Variants in LAMA2 observed in about 807,000 individuals in gnomAD.
LAMA2 encodes laminin subunit alpha-2.
A neutral mutation model predicts 364.8 loss-of-function variants in LAMA2; 269 were observed. That is an observed-to-expected ratio of 0.74 (90% CI 0.67 to 0.82). The LOEUF is 0.82. Ranked by LOEUF, LAMA2 falls within the 40% of genes least tolerant of loss-of-function variation. The pLI, the probability that LAMA2 is intolerant of heterozygous loss-of-function variation, is 0.00. For synonymous variants in LAMA2, 1,379 were observed against 1,370.6 expected, an observed-to-expected ratio of 1.01 and a Z score of -0.14; for missense variants, 3,807 against 3,873.2, an observed-to-expected ratio of 0.98 and a Z score of 0.45.
chr6:128,985,714 C>T (rs1234493636), intron 1 of LAMA2, among the ~76,000 whole-genome samples: 1 of 152,030 alleles, frequency 6.6e-6, no homozygotes, highest in Non-Finnish European at 1.5e-5. Context: ...CAACTGTTCT[C>T]CTTTCCCACT....
chr6:129,315,398 C>T (rs1774515672), intron 24 of LAMA2, 78 bp from the exon 25 acceptor site: 1 of 1,230,076 alleles, frequency 8.1e-7, no homozygotes, highest in African/African-American at 1.5e-5. Context: ...TGCAGATAGA[C>T]ATGCAGTTCG....
chr6:129,380,079 A>G (rs1463817070), intron 34 of LAMA2, among the ~76,000 whole-genome samples: 1 of 152,214 alleles, frequency 6.6e-6, no homozygotes, highest in Non-Finnish European at 1.5e-5. Flanking sequence ...TAACAAAGTC[A>G]CTACCCATTA....
intron 9 of LAMA2, among the ~76,000 whole-genome samples, chr6:129,167,703 T>C (rs569451769): frequency 2.8e-4 from 43 of 152,164 alleles, no homozygotes; most frequent in Non-Finnish European, 5.0e-4. Flanking sequence ...GGTCAAAGGG[T>C]ATTTCCAGTT....
chr6:129,199,462 C>T (rs1782044949), intron 12 of LAMA2, among the ~76,000 whole-genome samples: 1 of 151,958 alleles, frequency 6.6e-6, no homozygotes, highest in African/African-American at 2.4e-5. Flanking sequence ...ATAACGACTC[C>T]CACTTAACAT....
chr6:129,474,498 C>A (rs750918715), intron 52 of LAMA2, among the ~76,000 whole-genome samples: 2 of 152,044 alleles, frequency 1.3e-5, no homozygotes, highest in Non-Finnish European at 2.9e-5. Context: ...ACAGTTATTA[C>A]CTAGAAATTC....
chr6:129,153,230 A>G (rs1285390121), intron 7 of LAMA2, among the ~76,000 whole-genome samples: 3 of 152,220 alleles, frequency 2.0e-5, no homozygotes, highest in Admixed American at 1.3e-4. Context: ...ACTTCTTTAT[A>G]AGACATTACG....
intron 4 of LAMA2, among the ~76,000 whole-genome samples, chr6:129,108,792 A>G (rs1421254847): frequency 6.6e-6 from 1 of 152,090 alleles, no homozygotes; most frequent in Non-Finnish European, 1.5e-5. Context: ...TTCCTAAGAC[A>G]TGTTATTCCT....
chr6:129,143,838 A>G (rs1316422446), intron 4 of LAMA2, 63 bp from the exon 5 acceptor site: 3 of 1,241,552 alleles, frequency 2.4e-6, no homozygotes, highest in Non-Finnish European at 3.5e-6. Context: ...CAAGAAAAAG[A>G]AACAAAATCA....
At chr6:129,194,630 A>T (rs1285134070) in intron 12 of LAMA2, among the ~76,000 whole-genome samples, 4 of 152,186 alleles carry the variant, frequency 2.6e-5, no homozygotes, top group African/African-American at 7.2e-5. Flanking sequence ...TAACATTAAC[A>T]GGGTGTGCAA....
At chr6:129,241,870 TAAGA>T (rs1432168191) in intron 12 of LAMA2, among the ~76,000 whole-genome samples, 3 of 152,264 alleles carry the variant, frequency 2.0e-5, no homozygotes, top group Non-Finnish European at 4.4e-5. Flanking sequence ...TCTACTGCTG[TAAGA>T]AAGAATCACC....
intron 9 of LAMA2, among the ~76,000 whole-genome samples, chr6:129,174,523 G>T (rs997880384): frequency 2.6e-5 from 4 of 151,394 alleles, no homozygotes; most frequent in Non-Finnish European, 5.9e-5. Flanking sequence ...GTGTTTTGTG[G>T]ATGTATGCGT....
At chr6:128,906,544 C>A (rs1456352607) in intron 1 of LAMA2, among the ~76,000 whole-genome samples, 3 of 146,736 alleles carry the variant, frequency 2.0e-5, no homozygotes, top group Non-Finnish European at 4.5e-5. Flanking sequence ...AGCCCTTTGT[C>A]AGATGAGTAG....
chr6:129,373,191 T>A (rs763369253), intron 34 of LAMA2, among the ~76,000 whole-genome samples: 3 of 152,194 alleles, frequency 2.0e-5, no homozygotes, highest in African/African-American at 4.8e-5. Flanking sequence ...TGGTGTTGTA[T>A]CTAAAGACTC....
In LAMA2 at chr6:129,047,850, T is replaced by A. The variant is rs185910196; in HGVS notation, c.113-2068T>A. Among the ~76,000 whole-genome samples, 20 of 152,350 alleles carry A rather than the reference T, an allele frequency of 1.3e-4. No homozygotes were observed. In the East Asian group the frequency reaches 3.9e-3, roughly 29 times the overall value. On this transcript the variant is annotated intron_variant, in intron 1 of 64. Coordinates refer to ENST00000421865, the MANE Select transcript of LAMA2 (RefSeq NM_000426.4). ...TTTACTTTCTTTTTTAATTTTTTGT[T>A]TCTTTCAATGCAATTCTAAGGCCAA...
chr6:129,299,156 C>T (rs1282458461), intron 21 of LAMA2, among the ~76,000 whole-genome samples: 1 of 151,584 alleles, frequency 6.6e-6, no homozygotes, highest in South Asian at 2.1e-4. Flanking sequence ...AAAAAAAAAG[C>T]ACAAAACAGG....
At position 129,192,752 on chromosome 6, in the gene LAMA2, T is replaced by G. The variant is rs765515681; in HGVS notation, c.1681T>G (p.Leu561Val). ...RIRVAPQQDD[L>V]DSPQQISISN... ...TCGAGTGGCTCCCCAGCAGGACGACTTGGACTCACCTCAGCAGATCAGCAT... is the reference window on the plus strand; with the variant it reads ...TCGAGTGGCTCCCCAGCAGGACGACGTGGACTCACCTCAGCAGATCAGCAT... Residue 561 changes from leucine (L) to valine (V), a missense_variant, in exon 12 of 65, where the codon TTG (leucine) becomes GTG (valine). Leu to Val is a conservative substitution (Grantham distance 32). Coordinates refer to ENST00000421865, the MANE Select transcript of LAMA2 (RefSeq NM_000426.4). The G allele has an allele frequency of 2.2e-5, 35 of 1,614,070 alleles. No homozygotes were observed. The highest frequency in any genetic ancestry group is 3.0e-5 in the Non-Finnish European group (35 of 1,180,030).
At chr6:129,108,835 T>A (rs1215516427) in intron 4 of LAMA2, among the ~76,000 whole-genome samples, 1 of 152,162 alleles carries the variant, frequency 6.6e-6, no homozygotes, top group Non-Finnish European at 1.5e-5. Context: ...GATTGACTAA[T>A]GGTTGAACAA....
intron 15 of LAMA2, 25 bp from the exon 16 acceptor site, chr6:129,267,081 G>A (rs961789650): frequency 7.0e-7 from 1 of 1,423,090 alleles, no homozygotes; most frequent in African/African-American, 1.4e-5. Flanking sequence ...CTCCAAGACT[G>A]ACTAAAGCCT....
At chr6:129,368,362 C>A (rs1013534986) in intron 33 of LAMA2, among the ~76,000 whole-genome samples, 1 of 152,140 alleles carries the variant, frequency 6.6e-6, no homozygotes, top group Non-Finnish European at 1.5e-5. Flanking sequence ...AAAGTCAGAC[C>A]TGCTAGTGAA....
Sources: allele counts gnomAD v4.1 joint callset (sites outside exome capture counted in the v4.1 genomes callset), GRCh38; gene constraint gnomAD v4.1.1; transcripts MANE v1.5; gene names NCBI Gene and HGNC (gene_info 2026-07-23, HGNC 2026-07-21).